Variants in SMOC2 observed in about 807,000 individuals in gnomAD.
The protein encoded by SMOC2 is SPARC-related modular calcium-binding protein 2.
A neutral mutation model predicts 61.4 loss-of-function variants in SMOC2; 39 were observed. That is an observed-to-expected ratio of 0.64 (90% confidence interval 0.49 to 0.83). The LOEUF (loss-of-function observed/expected upper bound fraction) is 0.83, where lower values mean the gene tolerates loss of function less well. Ranked by LOEUF, SMOC2 falls within the 40% of genes least tolerant of loss-of-function variation. The pLI, the probability that SMOC2 is intolerant of heterozygous loss-of-function variation, is 0.00. For missense variants in SMOC2, 556 were observed against 592.9 expected (o/e 0.94, Z 0.65); for synonymous variants, 247 against 239.9 (o/e 1.03, Z -0.27).
intron 7 of SMOC2, among the ~76,000 whole-genome samples, chr6:168,587,326 G>C (rs1785067329): frequency 6.6e-6 from 1 of 152,228 alleles, no homozygotes; most frequent in Non-Finnish European, 1.5e-5. Flanking sequence ...ACAAGTCTCA[G>C]TCAATTTGGA....
At chr6:168,652,483 A>G (rs978804895) in intron 10 of SMOC2, among the ~76,000 whole-genome samples, 3 of 152,224 alleles carry the variant, frequency 2.0e-5, no homozygotes, top group African/African-American at 7.2e-5. Flanking sequence ...GCCCTAAAAT[A>G]TTGAACCTAA....
chr6:168,547,184 G>A lies in SMOC2; in HGVS notation c.562+15G>A. The A allele has an allele frequency of 6.2e-7, 1 of 1,613,294 alleles. No homozygotes were observed. The highest frequency in any genetic ancestry group is 1.1e-5 in the South Asian group (1 of 91,046). ...AGATGAAGAAGGTGAGCCGGGGTGG[G>A]GATTGCACAGTCTGGGTTGGGGAGG... On this transcript the variant is annotated intron_variant, in intron 6 of 12. Coordinates refer to ENST00000356284, the MANE Select transcript of SMOC2 (RefSeq NM_001166412.2).
At chr6:168,636,894 C>CTCCCTCCTGCCCGCA (rs1285147196) in intron 9 of SMOC2, among the ~76,000 whole-genome samples, 1 of 123,160 alleles carries the variant, frequency 8.1e-6, no homozygotes, top group Non-Finnish European at 1.7e-5. Context: ...CTCCTCCCAC[C>CTCCCTCCTGCCCGCA]TCCCTCCTGC....
chr6:168,451,635 C>T (rs189663172), intron 1 of SMOC2, among the ~76,000 whole-genome samples: 1,560 of 151,972 alleles, frequency 0.01, 30 homozygotes, highest in African/African-American at 0.035. Flanking sequence ...CTCTCCCTCC[C>T]TCTCTGGGTG....
chr6:168,612,204 C>T (rs1289718083), intron 9 of SMOC2, among the ~76,000 whole-genome samples: 3 of 151,306 alleles, frequency 2.0e-5, no homozygotes, highest in Admixed American at 6.6e-5. Context: ...GTGCTGGGTT[C>T]GTGATCTCCA....
At chr6:168,519,292 A>G (rs1053884435) in intron 2 of SMOC2, among the ~76,000 whole-genome samples, 1 of 152,032 alleles carries the variant, frequency 6.6e-6, no homozygotes, top group African/African-American at 2.4e-5. Flanking sequence ...AGTGTCCGTG[A>G]TTCTTTCTGT....
At chr6:168,630,821 A>G (rs1285420880) in intron 9 of SMOC2, among the ~76,000 whole-genome samples, 1 of 152,194 alleles carries the variant, frequency 6.6e-6, no homozygotes, top group Admixed American at 6.5e-5. Flanking sequence ...GATTGCAGAG[A>G]TGAAATAGAC....
rs1781415344 is a variant in SMOC2, at chr6:168,449,613, T to C, written c.84+8159T>C. On this transcript the variant is annotated intron_variant, in intron 1 of 12. Coordinates refer to ENST00000356284, the MANE Select transcript of SMOC2 (RefSeq NM_001166412.2). ...AATTAAAACTAACCTAAAATGTACC[T>C]TGGAAAAAAGAAGTTAGTATCCTTT... is the stretch of plus-strand genomic sequence containing the variant. Among the ~76,000 whole-genome samples, 3 of 152,274 alleles carry C rather than the reference T, an allele frequency of 2.0e-5. No homozygotes were observed. The South Asian group carries it at 6.2e-4, about 32-fold the overall frequency.
chr6:168,543,553 C>T, intron 4 of SMOC2, 72 bp from the exon 5 acceptor site: 2 of 1,346,942 alleles, frequency 1.5e-6, no homozygotes, highest in Non-Finnish European at 1.1e-6. Flanking sequence ...AAAATATGTG[C>T]ATAACTTAAT....
At chr6:168,533,848 C>G (rs984989566) in intron 4 of SMOC2, among the ~76,000 whole-genome samples, 2 of 152,114 alleles carry the variant, frequency 1.3e-5, no homozygotes, top group Non-Finnish European at 2.9e-5. Flanking sequence ...AGGAAATGCA[C>G]CGAAAATTGA....
chr6:168,492,773 A>G (rs1026041632), intron 1 of SMOC2, among the ~76,000 whole-genome samples: 9 of 152,210 alleles, frequency 5.9e-5, no homozygotes, highest in Non-Finnish European at 1.2e-4. Context: ...ACGCTCTCCC[A>G]CCACCACAAA....
chr6:168,502,736 T>TTTTAATTTAATTTAA (rs59846215), intron 1 of SMOC2, among the ~76,000 whole-genome samples: 30 of 149,364 alleles, frequency 2.0e-4, no homozygotes, highest in African/African-American at 7.4e-4. Flanking sequence ...TTTTATTTTA[T>TTTTAATTTAATTTAA]TTTAATTTAA....
chr6:168,545,751 T>G (rs1783981528), intron 5 of SMOC2, among the ~76,000 whole-genome samples: 1 of 152,246 alleles, frequency 6.6e-6, no homozygotes, highest in Non-Finnish European at 1.5e-5. Context: ...GGGAATGGGC[T>G]GGTGGTCCCA....
At chr6:168,608,955 T>C (rs16887198) in intron 9 of SMOC2, among the ~76,000 whole-genome samples, 27,402 of 152,226 alleles carry the variant, frequency 0.18, 2,596 homozygotes, top group Middle Eastern at 0.33. Context: ...ATACAGAAAC[T>C]GGATGAATTC....
At chr6:168,658,898 G>A (rs1787395842) in intron 11 of SMOC2, among the ~76,000 whole-genome samples, 1 of 146,058 alleles carries the variant, frequency 6.8e-6, no homozygotes, top group Admixed American at 6.8e-5. Flanking sequence ...GTATGTGTAT[G>A]TGTGGTGTGT....
intron 5 of SMOC2, among the ~76,000 whole-genome samples, chr6:168,545,837 T>A (rs1052646272): frequency 1.4e-4 from 21 of 152,250 alleles, no homozygotes; most frequent in African/African-American, 4.8e-4. Flanking sequence ...TTCCAAAAAA[T>A]TTCAAATATG....
intron 11 of SMOC2, among the ~76,000 whole-genome samples, chr6:168,659,498 A>AGC (rs1787420171): frequency 2.5e-3 from 5 of 1,970 alleles, no homozygotes; most frequent in Non-Finnish European, 4.1e-3. Flanking sequence ...AAGTTATAGT[A>AGC]TTGGTGAGGG....
chr6:168,596,098 C>T (rs528302755), intron 7 of SMOC2, among the ~76,000 whole-genome samples: 4,879 of 27,592 alleles, frequency 0.18, 150 homozygotes, highest in East Asian at 0.27. Context: ...CATGAACAAG[C>T]GCCACGTGAA....
At chr6:168,531,164 C>G (rs1429773671) in intron 4 of SMOC2, among the ~76,000 whole-genome samples, 2 of 152,142 alleles carry the variant, frequency 1.3e-5, no homozygotes, top group Non-Finnish European at 2.9e-5. Flanking sequence ...GAGTGATGGC[C>G]ACACACGCAG....
Sources: gnomAD v4.1 joint callset for allele counts (sites outside exome capture counted in the v4.1 genomes callset) on GRCh38, gnomAD v4.1.1 for gene constraint, MANE v1.5 for transcripts, NCBI Gene and HGNC (gene_info 2026-07-23, HGNC 2026-07-21) for gene names.